The following CACNA1B variants were observed in gnomAD, a reference collection of about 807,000 sequenced individuals.
The protein encoded by CACNA1B is calcium voltage-gated channel subunit alpha1 B, also known as voltage-dependent N-type calcium channel subunit alpha-1B.
Under a neutral mutation model 247.2 loss-of-function variants are expected in CACNA1B, and 70 were observed. The observed-to-expected ratio is 0.28, with a 90% CI of 0.23 to 0.35. CACNA1B has a LOEUF of 0.35. Ranked by LOEUF, CACNA1B falls within the 10% of genes least tolerant of loss-of-function variation. CACNA1B has a pLI of 1.00. For synonymous variants in CACNA1B, 1,231 were observed against 1,294.4 expected, an observed-to-expected ratio of 0.95 and a Z score of 1.05; for missense variants, 2,367 against 3,197.4, an observed-to-expected ratio of 0.74 and a Z score of 6.26.
chr9:138,049,425 G>A, intron 24 of CACNA1B, 110 bp downstream of exon 24: 2 of 758,348 alleles, frequency 2.6e-6, no homozygotes, highest in Admixed American at 2.0e-5. Context: ...TGGGCTGCCT[G>A]TGGCTCTGTT....
intron 10 of CACNA1B, among the ~76,000 whole-genome samples, chr9:137,960,155 C>A (rs1957995722): frequency 1.1e-5 from 1 of 95,158 alleles, no homozygotes; most frequent in Non-Finnish European, 2.0e-5. Flanking sequence ...GGAGCTTGGC[C>A]TGAGGAACGT....
chr9:138,044,280 CCGTGTGTCCA>C (rs1959167053), intron 21 of CACNA1B, among the ~76,000 whole-genome samples: 1 of 152,252 alleles, frequency 6.6e-6, no homozygotes, highest in South Asian at 2.1e-4. Flanking sequence ...GCATGTCTAT[CCGTGTGTCCA>C]CGCCTGTGCT....
At chr9:138,068,388 C>A (rs144220543) in intron 31 of CACNA1B, among the ~76,000 whole-genome samples, 6 of 152,128 alleles carry the variant, frequency 3.9e-5, no homozygotes, top group Admixed American at 3.9e-4. Context: ...ATATGCTTTA[C>A]GATTTAAAAA....
In CACNA1B at chr9:137,950,512, G is replaced by T. The variant is rs73570218; in HGVS notation, c.967-1762G>T. 1.3e-5 allele frequency among the ~76,000 whole-genome samples: 2 copies of T among 152,212 alleles called. No homozygotes were observed. Among genetic ancestry groups the T allele is most frequent in the Non-Finnish European group, 2.9e-5 (2 of 68,044 alleles). On this transcript the variant is annotated intron_variant, in intron 6 of 46. Transcript: ENST00000371372. The surrounding 1 kb of genome is among the most constrained non-coding windows in gnomAD (Gnocchi z 4.8). ...GCTTTCTCTGACAGCACCCCATGGAGGGTGAGGGGATTCGGATGCCTCACT... is the reference window on the plus strand; with the variant it reads ...GCTTTCTCTGACAGCACCCCATGGATGGTGAGGGGATTCGGATGCCTCACT...
chr9:137,947,199 A>G (rs1957806656), intron 6 of CACNA1B, among the ~76,000 whole-genome samples: 1 of 152,106 alleles, frequency 6.6e-6, no homozygotes, highest in South Asian at 2.1e-4. Flanking sequence ...ATAAAGTTAA[A>G]CCCTATGCTA....
chr9:137,906,168 G>A (rs118175882), intron 3 of CACNA1B, among the ~76,000 whole-genome samples: 1,930 of 152,184 alleles, frequency 0.013, 17 homozygotes, highest in Non-Finnish European at 0.021. Context: ...TGAATTCTTC[G>A]TCAAAAAAGA....
At chr9:138,117,441 C>G (rs1961913168) in intron 42 of CACNA1B, among the ~76,000 whole-genome samples, 1 of 152,192 alleles carries the variant, frequency 6.6e-6, no homozygotes, top group South Asian at 2.1e-4. Flanking sequence ...TCTGTCCCAG[C>G]CTGTCCTCTC....
At chr9:137,932,858 G>A (rs1445884306) in intron 6 of CACNA1B, among the ~76,000 whole-genome samples, 2 of 152,144 alleles carry the variant, frequency 1.3e-5, no homozygotes, top group Non-Finnish European at 2.9e-5. Flanking sequence ...TTACGTAATC[G>A]AGTGAAGGAT....
At chr9:137,991,078 A>G (rs1958426868) in intron 15 of CACNA1B, among the ~76,000 whole-genome samples, 1 of 152,242 alleles carries the variant, frequency 6.6e-6, no homozygotes, top group Non-Finnish European at 1.5e-5. Context: ...AATGGATCCA[A>G]ACCAAGAGGA....
chr9:138,032,708 C>A (rs573447733), intron 20 of CACNA1B: 26 of 454,382 alleles, frequency 5.7e-5, no homozygotes, highest in Middle Eastern at 3.8e-4. Flanking sequence ...GTGCCTCTTC[C>A]TTCTGACCTC....
intron 18 of CACNA1B, among the ~76,000 whole-genome samples, chr9:138,022,206 G>C (rs561732537): frequency 6.6e-6 from 1 of 152,310 alleles, no homozygotes; most frequent in South Asian, 2.1e-4. Context: ...TTCTGGCTCT[G>C]CTCCCAGTAG....
chr9:138,038,163 C>A (rs746133249), intron 20 of CACNA1B, among the ~76,000 whole-genome samples: 1 of 152,246 alleles, frequency 6.6e-6, no homozygotes. Context: ...TGAATTTTAA[C>A]GTGTTTGACG....
intron 39 of CACNA1B, among the ~76,000 whole-genome samples, chr9:138,107,963 T>A (rs1055027578): frequency 6.8e-6 from 1 of 146,488 alleles, no homozygotes; most frequent in Non-Finnish European, 1.5e-5. Context: ...CCAGTCTGGG[T>A]GACAGAGTGA....
In CACNA1B at chr9:137,986,780, A is replaced by G. The variant is rs768810445; in HGVS notation, c.1902-2A>G. 1 of 1,612,602 alleles carries G rather than the reference A, an allele frequency of 6.2e-7. No individual in the cohort carries two copies. Among genetic ancestry groups the G allele is most frequent in the Non-Finnish European group, 8.5e-7 (1 of 1,178,682 alleles). On this transcript the variant is annotated splice_acceptor_variant, in intron 14 of 46. Coordinates refer to ENST00000371372, the MANE Select transcript of CACNA1B (RefSeq NM_000718.4). LOFTEE classifies it high-confidence loss of function. The surrounding 1 kb of genome is among the most constrained non-coding windows in gnomAD (Gnocchi z 6.0). ...CTTCCCAAGCCTTCCTGTTTTCCTC[A>G]GGTTCAACTTCCAGGATGAGACTCC...
At chr9:137,996,667 A>T (rs1196772301) in intron 15 of CACNA1B, among the ~76,000 whole-genome samples, 1 of 152,234 alleles carries the variant, frequency 6.6e-6, no homozygotes, top group Non-Finnish European at 1.5e-5. Context: ...AATAAATTTT[A>T]AAAAATTTAA....
At chr9:137,989,645 C>T (rs751212137) in intron 15 of CACNA1B, among the ~76,000 whole-genome samples, 3 of 152,152 alleles carry the variant, frequency 2.0e-5, no homozygotes, top group Middle Eastern at 3.4e-3. Flanking sequence ...GGAGAAGTAA[C>T]GGAAACACTG....
At chr9:138,106,916 C>T (rs2131355648) in intron 39 of CACNA1B, among the ~76,000 whole-genome samples, 1 of 152,304 alleles carries the variant, frequency 6.6e-6, no homozygotes, top group Non-Finnish European at 1.5e-5. Flanking sequence ...GTCTCCAGGC[C>T]TCCACGTTGC....
Position 137,877,791 on chromosome 9 carries a change from G to GGCGGCGGCT in CACNA1B, c.-135_-127dup, listed in dbSNP as rs1254156452. On this transcript the variant is annotated 5_prime_UTR_variant, in exon 1 of 47. Coordinates refer to ENST00000371372, the MANE Select transcript of CACNA1B (RefSeq NM_000718.4). The stretch of plus-strand genomic sequence containing the variant: ...GCGGGGCCGCGGAGTCGGGTGAGGC[G>GGCGGCGGCT]GCGGCGGCTGCGGCGGTGGGGCCGG... 38 of 291,900 alleles carry GGCGGCGGCT rather than the reference G, an allele frequency of 1.3e-4. No individual in the cohort carries two copies. The highest frequency in any genetic ancestry group is 6.4e-4 in the African/African-American group (28 of 43,432). 18.1% of individuals were successfully genotyped at this position (291,900 alleles called of 1,614,324 possible).
chr9:138,051,100 C>T lies in CACNA1B; in HGVS notation c.3711-992C>T, dbSNP rs1305810018. On this transcript the variant is annotated intron_variant, in intron 24 of 46. Coordinates refer to ENST00000371372, the MANE Select transcript of CACNA1B (RefSeq NM_000718.4). This position sits in a 1 kb window ranked among gnomAD's most constrained non-coding sequence, Gnocchi z 4.3. ...TGAATCCCACTCAGTCCTGAGTCCT[C>T]AGCTCCCACCCTCACCTCCCACCAA... is the stretch of plus-strand genomic sequence containing the variant. 6.6e-6 allele frequency among the ~76,000 whole-genome samples: 1 copy of T among 152,110 alleles called. No individual in the cohort carries two copies. Among genetic ancestry groups the T allele is most frequent in the Non-Finnish European group, 1.5e-5 (1 of 68,024 alleles).
Sources: allele counts gnomAD v4.1 joint callset (sites outside exome capture counted in the v4.1 genomes callset), GRCh38; gene constraint gnomAD v4.1.1; non-coding constraint Gnocchi (gnomAD v3.1); transcripts MANE v1.5; gene names NCBI Gene and HGNC (gene_info 2026-07-23, HGNC 2026-07-21).